PRKDC: variants seen among roughly 807,000 people sequenced by gnomAD.
The protein encoded by PRKDC is protein kinase, DNA-activated, catalytic subunit, also known as DNA-dependent protein kinase catalytic subunit.
Under a neutral mutation model 486.9 loss-of-function variants are expected in PRKDC, and 82 were observed. The ratio of observed to expected loss-of-function variants is 0.17; its 90% CI spans 0.14 to 0.20. The LOEUF (loss-of-function observed/expected upper bound fraction) is 0.20. Among genes scored for constraint, PRKDC ranks in the 10% least tolerant of loss-of-function variants. The pLI, the probability that PRKDC is intolerant of heterozygous loss-of-function variation, is 1.00. For synonymous variants in PRKDC, 1,895 were observed against 1,837.0 expected, an observed-to-expected ratio of 1.03 and a Z score of -0.81; for missense variants, 4,504 against 5,038.2, an observed-to-expected ratio of 0.89 and a Z score of 3.21.
chr8:47,874,110 A>AT (rs1177232821), intron 40 of PRKDC, among the ~76,000 whole-genome samples: 143 of 143,670 alleles, frequency 1.0e-3, no homozygotes, highest in Middle Eastern at 3.6e-3. Context: ...CGCCCGGCTA[A>AT]TTTTTTTTTT....
chr8:47,954,834 T>C (rs1407869747), intron 4 of PRKDC, among the ~76,000 whole-genome samples: 2 of 152,124 alleles, frequency 1.3e-5, no homozygotes, highest in African/African-American at 4.8e-5. Context: ...CAGGTCACAG[T>C]GACCCCAACA....
chr8:47,825,386 G>A (rs2087712446), intron 63 of PRKDC, among the ~76,000 whole-genome samples: 1 of 151,748 alleles, frequency 6.6e-6, no homozygotes, highest in Non-Finnish European at 1.5e-5. Flanking sequence ...GCAGGTGCCT[G>A]TAATCCCAGC....
At position 47,854,326 on chromosome 8, in the gene PRKDC, G is replaced by C; in HGVS notation, c.6762-112C>G. Reference sequence around the variant, plus strand: ...GAGACAGAGTCTGACTCTCGCCCAGGCTGGAGTGCAGTGGCGTGACTGAGA... The same window carrying C: ...GAGACAGAGTCTGACTCTCGCCCAGCCTGGAGTGCAGTGGCGTGACTGAGA... On this transcript the variant is annotated intron_variant, in intron 50 of 85. Coordinates refer to ENST00000314191, the MANE Select transcript of PRKDC (RefSeq NM_006904.7). 2.4e-6 allele frequency: 3 copies of C among 1,267,138 alleles called. No individual in the cohort carries two copies. The South Asian group carries it at 4.2e-5, about 18-fold the overall frequency. 78.5% of individuals were successfully genotyped at this position (1,267,138 alleles called of 1,614,324 possible). A position where few individuals can be genotyped will look rare whatever the true frequency, so the allele number is the denominator to read the frequency against.
At chr8:47,956,279 T>C (rs1231160192) in intron 3 of PRKDC, among the ~76,000 whole-genome samples, 1 of 152,060 alleles carries the variant, frequency 6.6e-6, no homozygotes, top group Non-Finnish European at 1.5e-5. Context: ...GGAGAATCGC[T>C]TGAACCCGGG....
chr8:47,783,355 G>A (rs985429294), intron 78 of PRKDC, among the ~76,000 whole-genome samples: 17 of 151,706 alleles, frequency 1.1e-4, no homozygotes, highest in Non-Finnish European at 1.6e-4. Flanking sequence ...TTGCGGAGGC[G>A]GAGGTGGATG....
chr8:47,861,090 T>C, intron 44 of PRKDC, 119 bp from the exon 45 acceptor site: 1 of 724,192 alleles, frequency 1.4e-6, no homozygotes, highest in South Asian at 2.1e-5. Flanking sequence ...ACAAAACAAA[T>C]TTAAAAGCAC....
chr8:47,786,309 G>A (rs1003120380), intron 76 of PRKDC, among the ~76,000 whole-genome samples: 1 of 151,748 alleles, frequency 6.6e-6, no homozygotes, highest in Admixed American at 6.6e-5. Context: ...CTACTCAGGA[G>A]GCGGAGGCAG....
intron 61 of PRKDC, 69 bp downstream of exon 61, chr8:47,830,536 C>T (rs901789236): frequency 1.3e-6 from 2 of 1,577,414 alleles, no homozygotes; most frequent in African/African-American, 2.7e-5. Context: ...TGTTTCCTCA[C>T]ATAGGCAAAC....
chr8:47,837,045 G>A (rs983125950), intron 57 of PRKDC, among the ~76,000 whole-genome samples, 167 bp downstream of exon 57: 4 of 152,226 alleles, frequency 2.6e-5, no homozygotes, highest in African/African-American at 7.2e-5. Context: ...AGAGGGTGAG[G>A]CCAGTGGACC....
At chr8:47,807,066 G>T in intron 69 of PRKDC, 71 bp downstream of exon 69, 1 of 1,450,390 alleles carries the variant, frequency 6.9e-7, no homozygotes, top group Non-Finnish European at 9.3e-7. Flanking sequence ...CTAAAGAAAA[G>T]CTAAAATTAG....
chr8:47,793,739 A>G (rs2086926879), intron 74 of PRKDC, among the ~76,000 whole-genome samples: 1 of 151,680 alleles, frequency 6.6e-6, no homozygotes, highest in South Asian at 2.1e-4. Flanking sequence ...GTTGAAATCA[A>G]TACATTCAAA....
In PRKDC at chr8:47,888,605, T is replaced by C. The variant is rs2089387685; in HGVS notation, c.4326A>G (p.Gln1442=). 6.3e-7 allele frequency: 1 copy of C among 1,594,066 alleles called. No homozygotes were observed. The highest frequency in any genetic ancestry group is 1.3e-5 in the African/African-American group (1 of 74,578). Residue 1442 remains glutamine (Q), a synonymous_variant, in exon 34 of 86, where the codon CAA becomes CAG. Transcript: ENST00000314191. ...CAVNLYGPDA[Q]VDRSRLAAVV... is the part of the protein sequence containing the mutation. ...CAGCAGCCAGCCTGCTCCTGTCCAC[T>C]TGCGCGTCAGGGCCATACAAGTTGA...
At chr8:47,935,487 G>A (rs1392204221) in intron 13 of PRKDC, among the ~76,000 whole-genome samples, 1 of 151,636 alleles carries the variant, frequency 6.6e-6, no homozygotes, top group Non-Finnish European at 1.5e-5. Flanking sequence ...GGGACAGAGC[G>A]AGACTCTTGT....
intron 10 of PRKDC, among the ~76,000 whole-genome samples, chr8:47,940,433 G>GA (rs949772743): frequency 8.6e-5 from 13 of 151,314 alleles, no homozygotes; most frequent in South Asian, 2.1e-4. Flanking sequence ...ATCAAAGGCA[G>GA]AAAAAAAAAT....
chr8:47,859,477 C>T (rs999811008), intron 46 of PRKDC, 134 bp downstream of exon 46: 1 of 1,084,986 alleles, frequency 9.2e-7, no homozygotes, highest in Non-Finnish European at 1.3e-6. Context: ...GGAAAATTCT[C>T]CAAATTAACT....
chr8:47,879,360 T>C, intron 39 of PRKDC, 131 bp downstream of exon 39: 1 of 799,758 alleles, frequency 1.3e-6, no homozygotes, highest in East Asian at 3.0e-5. Flanking sequence ...AGAAAGAACA[T>C]TTTGAATAAC....
At chr8:47,872,323 C>T (rs2088972045) in intron 40 of PRKDC, among the ~76,000 whole-genome samples, 1 of 151,558 alleles carries the variant, frequency 6.6e-6, no homozygotes, top group African/African-American at 2.4e-5. Flanking sequence ...AAACATATGA[C>T]CCGAGAAAAT....
At chr8:47,824,708 T>C (rs2087693204) in intron 63 of PRKDC, among the ~76,000 whole-genome samples, 1 of 152,176 alleles carries the variant, frequency 6.6e-6, no homozygotes, top group Non-Finnish European at 1.5e-5. Context: ...GGAGCATTCA[T>C]TCATCTCTTT....
chr8:47,847,225 T>C (rs905937172), intron 54 of PRKDC, among the ~76,000 whole-genome samples: 1 of 152,126 alleles, frequency 6.6e-6, no homozygotes, highest in African/African-American at 2.4e-5. Flanking sequence ...AACATCGTAT[T>C]ACCCAACTTC....
Sources: gnomAD v4.1 joint callset for allele counts (sites outside exome capture counted in the v4.1 genomes callset) on GRCh38, gnomAD v4.1.1 for gene constraint, MANE v1.5 for transcripts, NCBI Gene and HGNC (gene_info 2026-07-23, HGNC 2026-07-21) for gene names.